RBFOX1: variants seen among roughly 807,000 people sequenced by gnomAD.
RBFOX1 encodes the protein RNA binding protein fox-1 homolog 1.
RBFOX1 carries 8 observed loss-of-function variants against 57.7 expected under a neutral mutation model. The observed-to-expected ratio is 0.14, with a 90% CI of 0.08 to 0.25. RBFOX1 has a LOEUF of 0.25. Among genes scored for constraint, RBFOX1 ranks in the 10% least tolerant of loss-of-function variants. The pLI, the probability that RBFOX1 is intolerant of heterozygous loss-of-function variation, is 1.00. For missense variants in RBFOX1, 611 were observed against 548.5 expected, an observed-to-expected ratio of 1.11 and a Z score of -1.14; for synonymous variants, 326 against 222.4, an observed-to-expected ratio of 1.47 and a Z score of -4.15.
intron 2 of RBFOX1, among the ~76,000 whole-genome samples, chr16:6,560,227 G>C (rs2097162209): frequency 1.3e-5 from 2 of 151,560 alleles, no homozygotes; most frequent in Admixed American, 1.3e-4. Context: ...ATTCTAGTTG[G>C]GGGGAAAAAC....
At chr16:6,808,316 C>T (rs562076099) in intron 3 of RBFOX1, among the ~76,000 whole-genome samples, 6 of 152,010 alleles carry the variant, frequency 3.9e-5, no homozygotes. Context: ...TATCACCCCA[C>T]CACTGATTCC....
intron 3 of RBFOX1, among the ~76,000 whole-genome samples, chr16:6,909,364 C>T (rs1398981324): frequency 6.6e-6 from 1 of 152,174 alleles, no homozygotes; most frequent in African/African-American, 2.4e-5. Context: ...TTTGGGTCCA[C>T]CTGGATAATC....
chr16:6,216,243 C>A (rs921953341), intron 1 of RBFOX1, among the ~76,000 whole-genome samples: 3 of 152,100 alleles, frequency 2.0e-5, no homozygotes, highest in African/African-American at 7.2e-5. Context: ...ACAAGTTTAC[C>A]TATGGAACAA....
At chr16:6,475,240 A>C (rs1389668904) in intron 2 of RBFOX1, among the ~76,000 whole-genome samples, 7 of 152,198 alleles carry the variant, frequency 4.6e-5, no homozygotes, top group Non-Finnish European at 7.3e-5. Flanking sequence ...AACACATTGA[A>C]AACAATGTTG....
chr16:6,760,271 T>C (rs1404688686), intron 3 of RBFOX1, among the ~76,000 whole-genome samples: 1 of 152,196 alleles, frequency 6.6e-6, no homozygotes, highest in Non-Finnish European at 1.5e-5. Context: ...AAAAAGGCAA[T>C]TGCTTTAAAG....
intron 1 of RBFOX1, among the ~76,000 whole-genome samples, chr16:6,295,723 C>T (rs564533493): frequency 6.6e-6 from 1 of 152,234 alleles, no homozygotes; most frequent in African/African-American, 2.4e-5. Flanking sequence ...CTGCAGCTGT[C>T]CTCTTTCCTG....
intron 3 of RBFOX1, among the ~76,000 whole-genome samples, chr16:6,706,095 G>A (rs897089876): frequency 6.6e-6 from 1 of 152,152 alleles, no homozygotes; most frequent in African/African-American, 2.4e-5. Context: ...TTAAAACCCG[G>A]ATGCTTAGCC....
At chr16:6,515,940 A>AT (rs1268452943) in intron 2 of RBFOX1, among the ~76,000 whole-genome samples, 2 of 152,056 alleles carry the variant, frequency 1.3e-5, no homozygotes, top group African/African-American at 4.8e-5. Context: ...TGAAACCTGT[A>AT]TTTTTTTAGG....
intron 2 of RBFOX1, among the ~76,000 whole-genome samples, chr16:6,585,165 G>A (rs1389120793): frequency 6.6e-6 from 1 of 152,260 alleles, no homozygotes; most frequent in South Asian, 2.1e-4. Context: ...TTCCAAGGCA[G>A]TGCCAGGAAT....
chr16:6,056,166 A>T (rs1034212363), intron 1 of RBFOX1, among the ~76,000 whole-genome samples: 1 of 152,132 alleles, frequency 6.6e-6, no homozygotes, highest in East Asian at 1.9e-4. Context: ...CAGCTCCCCA[A>T]GGTGTTTGTC....
At chr16:5,618,150 A>C (rs931921586) in intron 3 of RBFOX1, among the ~76,000 whole-genome samples, 1 of 152,182 alleles carries the variant, frequency 6.6e-6, no homozygotes, top group Non-Finnish European at 1.5e-5. Context: ...CTGCCCGTCC[A>C]CCAACAGCTC....
intron 1 of RBFOX1, among the ~76,000 whole-genome samples, chr16:6,296,563 G>A (rs1008730942): frequency 6.6e-6 from 1 of 152,040 alleles, no homozygotes; most frequent in Admixed American, 6.6e-5. Flanking sequence ...TGGGACTACA[G>A]GCGTCCACCA....
At chr16:6,276,440 G>A (rs901572808) in intron 1 of RBFOX1, among the ~76,000 whole-genome samples, 1 of 152,130 alleles carries the variant, frequency 6.6e-6, no homozygotes, top group South Asian at 2.1e-4. Context: ...GTTCATTCAA[G>A]TGGTTCTGGT....
intron 1 of RBFOX1, among the ~76,000 whole-genome samples, chr16:5,456,007 A>G (rs1482758869): frequency 6.6e-6 from 1 of 152,052 alleles, no homozygotes; most frequent in African/African-American, 2.4e-5. Context: ...TGTTAAGAAT[A>G]TGAAAGTAAT....
intron 1 of RBFOX1, among the ~76,000 whole-genome samples, chr16:5,435,495 G>C (rs535985652): frequency 1.3e-5 from 2 of 152,148 alleles, no homozygotes; most frequent in Non-Finnish European, 2.9e-5. Context: ...ACGATCCCTG[G>C]ATCTCCCTCT....
intron 2 of RBFOX1, among the ~76,000 whole-genome samples, chr16:5,519,032 A>G (rs905595869): frequency 1.3e-5 from 2 of 152,208 alleles, no homozygotes; most frequent in Admixed American, 6.5e-5. Context: ...ACACGAATGT[A>G]CAGAAGGAGA....
At chr16:7,560,639 T>A (rs1467589825) in intron 5 of RBFOX1, among the ~76,000 whole-genome samples, 1 of 152,072 alleles carries the variant, frequency 6.6e-6, no homozygotes, top group Non-Finnish European at 1.5e-5. Flanking sequence ...GCGAGTGTCA[T>A]CCTTCCTTTT....
At chr16:6,231,276 G>A (rs1418051021) in intron 1 of RBFOX1, among the ~76,000 whole-genome samples, 1 of 151,076 alleles carries the variant, frequency 6.6e-6, no homozygotes, top group African/African-American at 2.4e-5. Flanking sequence ...TAAGCCAACA[G>A]GTACCGAATT....
At chr16:6,186,607 G>T (rs939633006) in intron 1 of RBFOX1, among the ~76,000 whole-genome samples, 1 of 152,170 alleles carries the variant, frequency 6.6e-6, no homozygotes, top group African/African-American at 2.4e-5. Flanking sequence ...GGAGAGTGTG[G>T]CTTGGTGTGG....
Sources: gnomAD v4.1 joint callset for allele counts (sites outside exome capture counted in the v4.1 genomes callset) on GRCh38, gnomAD v4.1.1 for gene constraint, MANE v1.5 for transcripts, NCBI Gene and HGNC (gene_info 2026-07-23, HGNC 2026-07-21) for gene names.